Variants in CTNNA2 observed in about 807,000 individuals in gnomAD.
CTNNA2 encodes catenin alpha-2.
A neutral mutation model predicts 101.0 loss-of-function variants in CTNNA2; 42 were observed. That is an observed-to-expected ratio of 0.42 (90% confidence interval 0.32 to 0.54). The LOEUF (loss-of-function observed/expected upper bound fraction) is 0.54, where lower values mean the gene tolerates loss of function less well. Among genes scored for constraint, CTNNA2 ranks in the 20% least tolerant of loss-of-function variants. The pLI is 0.14. For synonymous variants in CTNNA2, 450 were observed against 456.4 expected (o/e 0.99, Z 0.18); for missense variants, 871 against 1,223.1 (o/e 0.71, Z 4.29).
intron 7 of CTNNA2, among the ~76,000 whole-genome samples, chr2:79,953,511 A>C (rs1190790478): frequency 1.3e-5 from 2 of 152,170 alleles, no homozygotes; most frequent in Admixed American, 1.3e-4. Context: ...TTCTGCATCA[A>C]CAAGGAAGAA....
intron 4 of CTNNA2, among the ~76,000 whole-genome samples, chr2:79,475,738 A>T (rs748813036): frequency 5.3e-5 from 8 of 150,282 alleles, no homozygotes; most frequent in Non-Finnish European, 7.4e-5. Context: ...GCTTATTCTA[A>T]TTATTCATCA....
intron 7 of CTNNA2, among the ~76,000 whole-genome samples, chr2:80,256,696 G>C (rs1434351818): frequency 2.6e-5 from 4 of 152,126 alleles, no homozygotes; most frequent in African/African-American, 7.2e-5. Context: ...AGGAACACCA[G>C]TTCATCATTG....
chr2:79,213,296 T>C (rs1435393222), intron 2 of CTNNA2, among the ~76,000 whole-genome samples: 2 of 152,190 alleles, frequency 1.3e-5, no homozygotes, highest in Non-Finnish European at 2.9e-5. Flanking sequence ...CCTTTGGAAG[T>C]AAAGCAGCTT....
intron 4 of CTNNA2, among the ~76,000 whole-genome samples, chr2:79,443,368 A>C (rs1678797170): frequency 6.6e-6 from 1 of 152,122 alleles, no homozygotes; most frequent in Non-Finnish European, 1.5e-5. Context: ...GTCCCAGCTC[A>C]AGAAGAGACA....
chr2:79,957,387 G>T (rs909544233), intron 7 of CTNNA2, among the ~76,000 whole-genome samples: 2 of 152,084 alleles, frequency 1.3e-5, no homozygotes, highest in African/African-American at 2.4e-5. Flanking sequence ...TCCATGGAAG[G>T]CACCAGCAGG....
chr2:80,574,500 G>C (rs1694873658), intron 13 of CTNNA2, among the ~76,000 whole-genome samples, 186 bp downstream of exon 13: 1 of 152,206 alleles, frequency 6.6e-6, no homozygotes, highest in Non-Finnish European at 1.5e-5. Context: ...ACAAGCTCAA[G>C]TGAGCACTGA....
intron 1 of CTNNA2, chr2:79,548,051 T>C (rs1673851088): frequency 6.6e-6 from 1 of 152,230 alleles, no homozygotes; most frequent in South Asian, 2.1e-4. Context: ...AGTAAGAAAC[T>C]TATTGCTATC....
chr2:80,028,998 C>T (rs1695116560), intron 7 of CTNNA2, among the ~76,000 whole-genome samples: 1 of 152,174 alleles, frequency 6.6e-6, no homozygotes, highest in African/African-American at 2.4e-5. Flanking sequence ...TTTGTCATAG[C>T]CACAATAGGA....
chr2:79,256,910 A>T (rs917095559), intron 2 of CTNNA2, among the ~76,000 whole-genome samples: 4 of 152,112 alleles, frequency 2.6e-5, no homozygotes, highest in Admixed American at 6.5e-5. Flanking sequence ...TGCTCAGAAA[A>T]TGTTAGTTGA....
chr2:79,860,518 C>T (rs1201874963), intron 4 of CTNNA2, among the ~76,000 whole-genome samples: 5 of 142,288 alleles, frequency 3.5e-5, no homozygotes, highest in African/African-American at 1.4e-4. Flanking sequence ...CAATTGCAAT[C>T]TCTTCTCCAC....
At chr2:80,293,333 T>C (rs1418230004) in intron 7 of CTNNA2, among the ~76,000 whole-genome samples, 1 of 152,214 alleles carries the variant, frequency 6.6e-6, no homozygotes, top group African/African-American at 2.4e-5. Flanking sequence ...ATCTCTAAGA[T>C]AGAGAGCCCT....
At chr2:80,354,234 C>A (rs887214002) in intron 7 of CTNNA2, among the ~76,000 whole-genome samples, 1 of 151,912 alleles carries the variant, frequency 6.6e-6, no homozygotes, top group Non-Finnish European at 1.5e-5. Context: ...AATGTCATCA[C>A]GGGAGAATAT....
chr2:80,028,276 T>G (rs889051142), intron 7 of CTNNA2: 2 of 152,176 alleles, frequency 1.3e-5, no homozygotes, highest in African/African-American at 4.8e-5. Context: ...TTTGATTATC[T>G]CCATGGGTTG....
chr2:79,883,626 G>A (rs543235588), intron 6 of CTNNA2, among the ~76,000 whole-genome samples: 2 of 152,148 alleles, frequency 1.3e-5, no homozygotes, highest in East Asian at 1.9e-4. Context: ...ACATAATGTC[G>A]ATTTTGACTG....
chr2:79,271,520 A>T (rs1454354191), intron 2 of CTNNA2, among the ~76,000 whole-genome samples: 2 of 152,018 alleles, frequency 1.3e-5, no homozygotes, highest in Non-Finnish European at 1.5e-5. Flanking sequence ...AGCTAATGTG[A>T]TTAGCTTTTT....
chr2:79,778,052 TC>T (rs1190263159), intron 3 of CTNNA2, among the ~76,000 whole-genome samples: 1 of 151,952 alleles, frequency 6.6e-6, no homozygotes, highest in African/African-American at 2.4e-5. Context: ...AAGAGGAAAA[TC>T]CTTTTCAGCT....
chr2:79,938,900 G>C (rs1558658195), intron 7 of CTNNA2, among the ~76,000 whole-genome samples: 1 of 152,148 alleles, frequency 6.6e-6, no homozygotes, highest in African/African-American at 2.4e-5. Context: ...ACATACTAAT[G>C]TAATAAAACC....
intron 5 of CTNNA2, among the ~76,000 whole-genome samples, chr2:79,870,536 T>C (rs997935375): frequency 2.0e-5 from 3 of 152,086 alleles, no homozygotes; most frequent in Admixed American, 6.6e-5. Context: ...GTCACTCTCA[T>C]GATGCTGTGT....
chr2:79,691,470 A>T (rs1008486673), intron 2 of CTNNA2, among the ~76,000 whole-genome samples: 1 of 152,002 alleles, frequency 6.6e-6, no homozygotes, highest in Non-Finnish European at 1.5e-5. Context: ...AAATACTCCA[A>T]TTAAAAGACA....
Sources: gnomAD v4.1 joint callset for allele counts (sites outside exome capture counted in the v4.1 genomes callset) on GRCh38, gnomAD v4.1.1 for gene constraint, MANE v1.5 for transcripts, NCBI Gene and HGNC (gene_info 2026-07-23, HGNC 2026-07-21) for gene names.